Variants in ABLIM1 observed in about 807,000 individuals in gnomAD.
ABLIM1 encodes actin-binding LIM protein 1.
In ABLIM1, 40 loss-of-function variants were observed where a neutral mutation model predicts 107.0. The ratio of observed to expected loss-of-function variants is 0.37; its 90% CI spans 0.29 to 0.49. ABLIM1 has a LOEUF of 0.49. Among genes scored for constraint, ABLIM1 ranks in the 20% least tolerant of loss-of-function variants. ABLIM1 has a pLI of 0.97. For missense variants in ABLIM1, 857 were observed against 1,008.5 expected, an observed-to-expected ratio of 0.85 and a Z score of 2.04; for synonymous variants, 357 against 357.3, an observed-to-expected ratio of 1.00 and a Z score of 0.01.
intron 1 of ABLIM1, among the ~76,000 whole-genome samples, chr10:114,605,898 G>A (rs552234897): frequency 7.2e-5 from 11 of 152,214 alleles, no homozygotes; most frequent in Non-Finnish European, 1.2e-4. Flanking sequence ...AGGACAGAAA[G>A]CAAAAATGCC....
chr10:114,759,827 A>C (rs1210085004), intron 1 of ABLIM1, among the ~76,000 whole-genome samples: 1 of 152,208 alleles, frequency 6.6e-6, no homozygotes, highest in Non-Finnish European at 1.5e-5. Flanking sequence ...CAATTTTCCT[A>C]GGATAGCCCC....
At chr10:114,771,126 C>T (rs1287655452), upstream of ABLIM1, among the ~76,000 whole-genome samples, 2 of 82,100 alleles carry the variant, frequency 2.4e-5, no homozygotes, top group African/African-American at 4.9e-5. Context: ...CCACCGCACC[C>T]GGCCTATTCT....
chr10:114,730,891 T>C (rs2082058795), intron 1 of ABLIM1, among the ~76,000 whole-genome samples: 1 of 152,164 alleles, frequency 6.6e-6, no homozygotes, highest in Non-Finnish European at 1.5e-5. Flanking sequence ...TCTGGATATT[T>C]CATGTAAATA....
intron 1 of ABLIM1, among the ~76,000 whole-genome samples, chr10:114,765,462 G>C (rs1344587914): frequency 6.6e-6 from 1 of 152,114 alleles, no homozygotes; most frequent in Admixed American, 6.5e-5. Context: ...ATCTTTTCAA[G>C]GATCTAAAGG....
rs1853628976 is a variant in ABLIM1, at chr10:114,741,052, G to A, written c.-213+27009C>T. Reference sequence around the variant, plus strand: ...TGTCTCAAAAAAAAAAAAGAATAAAGAAATAATAAAAAGTTGTGTTTCTGC... The same window carrying A: ...TGTCTCAAAAAAAAAAAAGAATAAAAAAATAATAAAAAGTTGTGTTTCTGC... On this transcript the variant is annotated intron_variant, in intron 1 of 15. Transcript: ENST00000651092. Among the ~76,000 whole-genome samples the A allele has an allele frequency of 3.3e-5, 5 of 150,582 alleles. No homozygotes were observed. In the South Asian group the frequency reaches 1.0e-3, roughly 32 times the overall value.
At chr10:114,718,049 G>T in intron 1 of ABLIM1, among the ~76,000 whole-genome samples, 1 of 96,550 alleles carries the variant, frequency 1.0e-5, no homozygotes, top group East Asian at 2.9e-4. Flanking sequence ...GAAAGAGAAA[G>T]AAAGAAAGAA....
chr10:114,676,610 T>G (rs1379769978), intron 1 of ABLIM1, among the ~76,000 whole-genome samples: 1 of 152,200 alleles, frequency 6.6e-6, no homozygotes, highest in Non-Finnish European at 1.5e-5. Context: ...TTTCAGATTA[T>G]TGTGTTCTCA....
Position 114,519,572 on chromosome 10 carries a change from C to G in ABLIM1, c.894+25433G>C, listed in dbSNP as rs145930418. Among the ~76,000 whole-genome samples the G allele has an allele frequency of 4.2e-3, 638 of 152,256 alleles. 7 individuals are homozygous for G. Among genetic ancestry groups the G allele is most frequent in the African/African-American group, 0.015 (604 of 41,546 alleles). On this transcript the variant is annotated intron_variant, in intron 6 of 22. Transcript: ENST00000533213. ...ACACAGACAGTTAAATTGCAAACCACAAGACATATTTATTAATGAGTACAT... is the reference window on the plus strand; with the variant it reads ...ACACAGACAGTTAAATTGCAAACCAGAAGACATATTTATTAATGAGTACAT...
chr10:114,783,883 G>A, the ABLIM1 span, among the ~76,000 whole-genome samples: 2 of 152,062 alleles, frequency 1.3e-5, no homozygotes, highest in African/African-American at 4.8e-5. Flanking sequence ...GGGCAACACA[G>A]CTGCTGAGAG....
At chr10:114,497,512 T>A (rs970086972) in intron 6 of ABLIM1, among the ~76,000 whole-genome samples, 2 of 151,900 alleles carry the variant, frequency 1.3e-5, no homozygotes, top group African/African-American at 2.4e-5. Context: ...ACCCCGTTTC[T>A]ACTAAAAAAA....
intron 20 of ABLIM1, 156 bp downstream of exon 20, chr10:114,439,926 A>G: frequency 7.7e-7 from 1 of 1,298,538 alleles, no homozygotes; most frequent in Non-Finnish European, 1.1e-6. Flanking sequence ...GGCACCAGGC[A>G]TGTCTGCTCT....
intron 2 of ABLIM1, among the ~76,000 whole-genome samples, chr10:114,584,328 T>A (rs778759696): frequency 3.3e-5 from 5 of 152,158 alleles, no homozygotes; most frequent in Non-Finnish European, 7.3e-5. Context: ...GTCCCCCAAC[T>A]AAATTTTTTT....
At chr10:114,441,612 G>T in intron 18 of ABLIM1, 110 bp downstream of exon 18, 1 of 1,045,000 alleles carries the variant, frequency 9.6e-7, no homozygotes, top group Non-Finnish European at 1.4e-6. Context: ...TTTTCATTAT[G>T]TTCCAACACT....
chr10:114,514,002 A>G (rs1286301768), intron 6 of ABLIM1, among the ~76,000 whole-genome samples: 2 of 152,208 alleles, frequency 1.3e-5, no homozygotes, highest in African/African-American at 4.8e-5. Flanking sequence ...TCTGTCCTAC[A>G]GGCTCCACAA....
intron 6 of ABLIM1, among the ~76,000 whole-genome samples, chr10:114,532,275 T>C (rs1040631268): frequency 6.6e-6 from 1 of 152,238 alleles, no homozygotes; most frequent in Admixed American, 6.5e-5. Context: ...GAGTTTTCAT[T>C]TGCAAGGCCA....
chr10:114,703,284 G>A (rs7093923), intron 1 of ABLIM1, among the ~76,000 whole-genome samples: 3,731 of 152,240 alleles, frequency 0.025, 141 homozygotes, highest in African/African-American at 0.085. Context: ...TCATCTCAAA[G>A]GTTACTTTTT....
At chr10:114,681,116 G>T (rs1259762256) in intron 1 of ABLIM1, among the ~76,000 whole-genome samples, 1 of 152,190 alleles carries the variant, frequency 6.6e-6, no homozygotes. Context: ...GGTACATTTA[G>T]CTAGTCATAC....
chr10:114,432,532 A>T lies in ABLIM1; in HGVS notation c.*3728T>A, dbSNP rs1319171219. 1 of 152,250 alleles carries T rather than the reference A, an allele frequency of 6.6e-6. No individual in the cohort carries two copies. Among genetic ancestry groups the T allele is most frequent in the East Asian group, 1.9e-4 (1 of 5,204 alleles). The allele number at this position is 152,250 out of a possible 1,614,324, so 9.4% of individuals were successfully genotyped here. On this transcript the variant is annotated 3_prime_UTR_variant, in exon 23 of 23. Transcript: ENST00000533213. ...AAACTTGCAAAAGCATATACATTTG[A>T]TATCATCATCTGAGAAGCAATTCTT...
chr10:114,537,369 G>A (rs2066156606), intron 6 of ABLIM1, among the ~76,000 whole-genome samples: 1 of 152,106 alleles, frequency 6.6e-6, no homozygotes, highest in African/African-American at 2.4e-5. Flanking sequence ...ATCACCTTCA[G>A]TATTTATCAT....
Sources: gnomAD v4.1 joint callset for allele counts (sites outside exome capture counted in the v4.1 genomes callset) on GRCh38, gnomAD v4.1.1 for gene constraint, MANE v1.5 for transcripts, NCBI Gene and HGNC (gene_info 2026-07-23, HGNC 2026-07-21) for gene names.